VCF1: variants seen among roughly 807,000 people sequenced by gnomAD.
The protein encoded by VCF1 is VCP nuclear cofactor family member 1.
At chr17:73,208,194 T>TC in the VCF1 span, 1 of 1,576,930 alleles carries the variant, frequency 6.3e-7, no homozygotes, top group African/African-American at 1.3e-5. Context: ...ACTAGAGCCA[T>TC]CGTGCTTCTC....
At chr17:73,209,372 A>G in the VCF1 span, 1 of 1,008,766 alleles carries the variant, frequency 9.9e-7, no homozygotes, top group Non-Finnish European at 1.4e-6. Flanking sequence ...CAAAACCACA[A>G]GTAAACAACT....
the VCF1 span, chr17:73,208,139 T>C: frequency 5.6e-5 from 84 of 1,497,988 alleles, no homozygotes; most frequent in Non-Finnish European, 6.7e-5. Flanking sequence ...AGGCTCATGC[T>C]GTTCCGTGTC....
At chr17:73,217,049 G>T in the VCF1 span, among the ~76,000 whole-genome samples, 2 of 152,202 alleles carry the variant, frequency 1.3e-5, no homozygotes, top group Non-Finnish European at 2.9e-5. Flanking sequence ...GAAAAGCAGG[G>T]CTGGGCCCAG....
the VCF1 span, among the ~76,000 whole-genome samples, chr17:73,226,002 A>G: frequency 6.7e-6 from 1 of 150,336 alleles, no homozygotes; most frequent in Non-Finnish European, 1.5e-5. Context: ...CCTGGGTTCA[A>G]GCCATTCTCC....
the VCF1 span, among the ~76,000 whole-genome samples, chr17:73,220,937 C>T: frequency 1.0e-4 from 12 of 114,764 alleles, no homozygotes; most frequent in Admixed American, 5.1e-4. Flanking sequence ...CTCGCTCTGT[C>T]GCCCAGTCTG....
At chr17:73,215,698 C>A in the VCF1 span, among the ~76,000 whole-genome samples, 1 of 152,194 alleles carries the variant, frequency 6.6e-6, no homozygotes, top group African/African-American at 2.4e-5. Flanking sequence ...TTACTATGTA[C>A]AAGGCGTTCC....
chr17:73,208,143 C>T, the VCF1 span: 3 of 1,507,660 alleles, frequency 2.0e-6, no homozygotes, highest in African/African-American at 4.1e-5. Flanking sequence ...TCATGCTGTT[C>T]CGTGTCCTCT....
At chr17:73,223,560 T>C in the VCF1 span, among the ~76,000 whole-genome samples, 4 of 152,206 alleles carry the variant, frequency 2.6e-5, no homozygotes, top group South Asian at 8.3e-4. Context: ...ACATATTTCC[T>C]AGTACTCGCC....
chr17:73,217,971 C>T, the VCF1 span, among the ~76,000 whole-genome samples: 3 of 152,208 alleles, frequency 2.0e-5, no homozygotes, highest in Non-Finnish European at 4.4e-5. Flanking sequence ...GACTCTACCT[C>T]CAAAAAGAAA....
At chr17:73,210,108 T>C in the VCF1 span, among the ~76,000 whole-genome samples, 1 of 152,196 alleles carries the variant, frequency 6.6e-6, no homozygotes. Context: ...TTCCCATTCA[T>C]TTCAATAATT....
the VCF1 span, among the ~76,000 whole-genome samples, chr17:73,210,088 A>G: frequency 5.3e-3 from 803 of 152,292 alleles, 8 homozygotes; most frequent in African/African-American, 0.018. Context: ...CACATATTCT[A>G]TACCTGCTTT....
the VCF1 span, chr17:73,208,865 T>C: frequency 3.1e-6 from 1 of 318,262 alleles, no homozygotes. Context: ...ACAGAAGTTA[T>C]CTGGGTATAC....
the VCF1 span, chr17:73,209,846 G>C: frequency 6.6e-7 from 1 of 1,510,608 alleles, no homozygotes; most frequent in East Asian, 2.5e-5. Context: ...CATGTACAGC[G>C]CTCTATTAAG....
At chr17:73,207,639 G>T in the VCF1 span, 1 of 1,232,180 alleles carries the variant, frequency 8.1e-7, no homozygotes, top group Non-Finnish European at 1.1e-6. Flanking sequence ...TGGGTGGGAA[G>T]TAACAGAAAA....
chr17:73,221,749 A>C, the VCF1 span, among the ~76,000 whole-genome samples: 1 of 151,820 alleles, frequency 6.6e-6, no homozygotes, highest in Non-Finnish European at 1.5e-5. Flanking sequence ...AAAACTAGCC[A>C]GGTGGGCCGG....
chr17:73,208,476 T>C, the VCF1 span: 1 of 1,611,774 alleles, frequency 6.2e-7, no homozygotes, highest in East Asian at 2.2e-5. Context: ...TGTCTCTCCC[T>C]AAATAAATAC....
At chr17:73,207,870 C>T in the VCF1 span, 7 of 1,201,728 alleles carry the variant, frequency 5.8e-6, no homozygotes, top group African/African-American at 4.8e-5. Flanking sequence ...TCCCTACCAT[C>T]GAACCCATTA....
the VCF1 span, among the ~76,000 whole-genome samples, chr17:73,219,407 C>T: frequency 6.6e-6 from 1 of 151,464 alleles, no homozygotes; most frequent in Non-Finnish European, 1.5e-5. Flanking sequence ...TCCCAGTCCT[C>T]TGGAGGCCGA....
At chr17:73,225,899 A>ATTTTTT in the VCF1 span, among the ~76,000 whole-genome samples, 3 of 114,840 alleles carry the variant, frequency 2.6e-5, no homozygotes, top group African/African-American at 1.2e-4. Context: ...ATATATATAT[A>ATTTTTT]TTTTTTTTTT....
Sources: allele counts gnomAD v4.1 joint callset (sites outside exome capture counted in the v4.1 genomes callset), GRCh38; gene constraint gnomAD v4.1.1; transcripts MANE v1.5; gene names NCBI Gene and HGNC (gene_info 2026-07-23, HGNC 2026-07-21).